The following APOH variants were observed in gnomAD, a reference collection of about 807,000 sequenced individuals.
APOH encodes the protein apolipoprotein H.
A neutral mutation model predicts 39.8 loss-of-function variants in APOH; 48 were observed. The observed-to-expected ratio is 1.21, with a 90% CI of 0.96 to 1.54. The LOEUF (loss-of-function observed/expected upper bound fraction) is 1.54, where lower values mean the gene tolerates loss of function less well. Among genes scored for constraint, APOH ranks in the 40% most tolerant of loss-of-function variants. The probability of loss-of-function intolerance (pLI) is 0.00; values close to 1 mark genes in which losing one functional copy is unlikely to be tolerated. For missense variants in APOH, 415 were observed against 421.2 expected (o/e 0.99, Z 0.13); for synonymous variants, 153 against 151.1 (o/e 1.01, Z -0.09).
chr17:66,212,280 G>T, intron 7 of APOH, 92 bp from the exon 8 acceptor site: 1 of 1,012,214 alleles, frequency 9.9e-7, no homozygotes, highest in Non-Finnish European at 1.5e-6. Context: ...CATTTTACGA[G>T]TATATAGAAT....
intron 3 of APOH, among the ~76,000 whole-genome samples, chr17:66,224,314 G>T (rs953124158): frequency 6.6e-6 from 1 of 151,558 alleles, no homozygotes; most frequent in Admixed American, 6.6e-5. Context: ...TCTACAAAAA[G>T]TCACCAGGCC....
At chr17:66,220,474 A>G in intron 5 of APOH, 80 bp downstream of exon 5, 1 of 1,389,762 alleles carries the variant, frequency 7.2e-7, no homozygotes, top group Non-Finnish European at 1.0e-6. Flanking sequence ...GAAACACTCC[A>G]TGATAGTCAG....
chr17:66,215,962 C>G (rs560837162), intron 6 of APOH, among the ~76,000 whole-genome samples: 2 of 152,000 alleles, frequency 1.3e-5, no homozygotes, highest in African/African-American at 4.8e-5. Context: ...CCTGTTGCCT[C>G]CTTATAATAT....
intron 3 of APOH, 74 bp downstream of exon 3, chr17:66,225,954 A>G: frequency 1.0e-6 from 1 of 967,910 alleles, no homozygotes; most frequent in Non-Finnish European, 1.6e-6. Flanking sequence ...AATATAGACC[A>G]GTCTTGATGT....
At chr17:66,226,216 G>A in intron 2 of APOH, 92 bp from the exon 3 acceptor site, 1 of 878,022 alleles carries the variant, frequency 1.1e-6, no homozygotes, top group Non-Finnish European at 1.7e-6. Context: ...TTCATTAAAT[G>A]AAACATATAA....
intron 4 of APOH, 73 bp from the exon 5 acceptor site, chr17:66,220,815 A>G (rs960324560): frequency 3.6e-6 from 5 of 1,403,422 alleles, no homozygotes; most frequent in Non-Finnish European, 4.8e-6. Context: ...CAGAAAGAAA[A>G]AAAAAACCCT....
intron 2 of APOH, 74 bp downstream of exon 2, chr17:66,227,946 C>G: frequency 1.3e-6 from 2 of 1,498,988 alleles, no homozygotes; most frequent in Admixed American, 1.9e-5. Flanking sequence ...CTGAGCATGA[C>G]GAGGTAGCTT....
chr17:66,212,305 G>A (rs902965612), intron 7 of APOH, 117 bp from the exon 8 acceptor site: 3 of 770,422 alleles, frequency 3.9e-6, no homozygotes, highest in South Asian at 3.5e-5. Context: ...GTGATTATGT[G>A]AATGAAACCA....
At chr17:66,227,922 T>A (rs2073449244) in intron 2 of APOH, 98 bp downstream of exon 2, 2 of 1,312,792 alleles carry the variant, frequency 1.5e-6, no homozygotes, top group Non-Finnish European at 2.1e-6. Flanking sequence ...CAGCATCTAC[T>A]GGCCCTCTGC....
intron 1 of APOH, 109 bp downstream of exon 1, chr17:66,229,207 G>C: frequency 1.2e-6 from 1 of 846,960 alleles, no homozygotes; most frequent in South Asian, 1.7e-5. Flanking sequence ...AAAGTGCTGA[G>C]ATTACAGATG....
chr17:66,228,435 C>T (rs1389618587), intron 1 of APOH, among the ~76,000 whole-genome samples: 1 of 152,104 alleles, frequency 6.6e-6, no homozygotes, highest in Non-Finnish European at 1.5e-5. Context: ...ACGTATCTTA[C>T]AGAGGAGCTT....
intron 4 of APOH, among the ~76,000 whole-genome samples, chr17:66,221,684 T>C (rs191069085): frequency 1.3e-5 from 2 of 152,308 alleles, no homozygotes; most frequent in East Asian, 3.9e-4. Flanking sequence ...TCAGTCTGTT[T>C]CTGCTGAATA....
rs562833065 is a variant in APOH at position 66,212,133 on chromosome 17, T to C, written c.1038A>G (p.Ter346=). Reference sequence around the variant, plus strand: ...TTTTGTGTGGAATCTGAAAACCACCTTAGCATGGCTTTACATCGGATGCAT... The same window carrying C: ...TTTTGTGTGGAATCTGAAAACCACCCTAGCATGGCTTTACATCGGATGCAT... ...KTDASDVKPC[*] The change falls in exon 8 of 8, where the codon TAA becomes TAG. Residue 346 remains the stop codon, a stop_retained_variant. Coordinates refer to ENST00000205948, the MANE Select transcript of APOH (RefSeq NM_000042.3). The C allele has an allele frequency of 1.2e-5, 19 of 1,613,204 alleles. No homozygotes were observed. Among genetic ancestry groups the C allele is most frequent in the Admixed American group, 3.3e-5 (2 of 60,016 alleles).
chr17:66,215,358 A>G (rs994526992), intron 6 of APOH, among the ~76,000 whole-genome samples: 1 of 152,246 alleles, frequency 6.6e-6, no homozygotes, highest in African/African-American at 2.4e-5. Flanking sequence ...CCCATCCCAG[A>G]TCTACCAAAT....
intron 5 of APOH, among the ~76,000 whole-genome samples, chr17:66,218,315 A>ATT (rs202025524): frequency 1.8e-4 from 27 of 147,786 alleles, no homozygotes; most frequent in South Asian, 8.6e-4. Context: ...GACAGAATGT[A>ATT]TTTTTTTTTT....
At position 66,221,859 on chromosome 17, in the gene APOH, AC is replaced by A. The variant is rs2073404820; in HGVS notation, c.416-1118del. Among the ~76,000 whole-genome samples the A allele has an allele frequency of 3.3e-5, 5 of 152,232 alleles. No individual in the cohort carries two copies. The South Asian group carries it at 1.0e-3, about 32-fold the overall frequency. On this transcript the variant is annotated intron_variant, in intron 4 of 7. Transcript: ENST00000205948. Reference sequence around the variant, plus strand: ...GCTGACCAAAATGCGATTTACCTTGACTTCCCTAGATCCCTGCTGCTCAAAA... The same window carrying A: ...GCTGACCAAAATGCGATTTACCTTGATTCCCTAGATCCCTGCTGCTCAAAA...
At position 66,220,566 on chromosome 17, in the gene APOH, G is replaced by C; in HGVS notation, c.592C>G (p.Pro198Ala). 10 of 1,613,968 alleles carry C rather than the reference G, an allele frequency of 6.2e-6. No individual in the cohort carries two copies. Among genetic ancestry groups the C allele is most frequent in the Non-Finnish European group, 8.5e-6 (10 of 1,179,896 alleles). The change falls in exon 5 of 8, where the codon CCA becomes GCA. Residue 198 changes from proline to alanine, a missense_variant. Transcript: ENST00000205948. ...TCATTGCACTTACCCCTGCATTCTGGTAATTTAGTCCAATTTCCATGTGTC... is the reference window on the plus strand; with the variant it reads ...TCATTGCACTTACCCCTGCATTCTGCTAATTTAGTCCAATTTCCATGTGTC... ...CTTHGNWTKL[P>A]ECREVKCPFP...
chr17:66,218,698 A>T (rs2073380053), intron 5 of APOH, among the ~76,000 whole-genome samples: 1 of 152,218 alleles, frequency 6.6e-6, no homozygotes, highest in Non-Finnish European at 1.5e-5. Flanking sequence ...TCAATGAAAG[A>T]CAACAAAAGA....
At chr17:66,224,593 GAGAA>G (rs572543967) in intron 3 of APOH, among the ~76,000 whole-genome samples, 1,966 of 138,644 alleles carry the variant, frequency 0.014, 86 homozygotes, top group African/African-American at 0.05. Context: ...GGGAGGGAAA[GAGAA>G]AGAAAGAAAG....
Sources: gnomAD v4.1 joint callset for allele counts (sites outside exome capture counted in the v4.1 genomes callset) on GRCh38, gnomAD v4.1.1 for gene constraint, MANE v1.5 for transcripts, NCBI Gene and HGNC (gene_info 2026-07-23, HGNC 2026-07-21) for gene names.